The following SPMIP2 variants were observed in gnomAD, a reference collection of about 807,000 sequenced individuals.
SPMIP2 encodes the protein protein SPMIP2.
the SPMIP2 span, among the ~76,000 whole-genome samples, chr4:159,027,335 C>A: frequency 6.6e-6 from 1 of 152,090 alleles, no homozygotes; most frequent in African/African-American, 2.4e-5. Context: ...TCATTTCCAA[C>A]TATCTTAGCT....
At chr4:158,940,982 T>A in the SPMIP2 span, among the ~76,000 whole-genome samples, 2 of 152,142 alleles carry the variant, frequency 1.3e-5, no homozygotes, top group Non-Finnish European at 2.9e-5. Flanking sequence ...CTTCTCCAGA[T>A]CCAGAATCAG....
the SPMIP2 span, chr4:159,007,376 G>A: frequency 1.5e-6 from 1 of 680,200 alleles, no homozygotes; most frequent in Non-Finnish European, 2.7e-6. Flanking sequence ...GGAGATGAAA[G>A]AAGTCCCTAA....
At chr4:158,992,017 G>A in the SPMIP2 span, among the ~76,000 whole-genome samples, 3 of 152,224 alleles carry the variant, frequency 2.0e-5, no homozygotes, top group South Asian at 6.2e-4. Context: ...TCAGCCTCTC[G>A]AGTAGCTAGG....
the SPMIP2 span, chr4:158,893,812 AC>A: frequency 3.0e-4 from 234 of 787,596 alleles, 3 homozygotes; most frequent in Non-Finnish European, 2.7e-5. Flanking sequence ...ACGTCTTGTC[AC>A]AGTTGATATC....
the SPMIP2 span, among the ~76,000 whole-genome samples, chr4:158,940,586 C>A: frequency 7.7e-6 from 1 of 130,392 alleles, no homozygotes; most frequent in African/African-American, 2.8e-5. Flanking sequence ...AGCTGAATAA[C>A]CTTGATTCTT....
the SPMIP2 span, among the ~76,000 whole-genome samples, chr4:159,029,232 T>C: frequency 6.6e-6 from 1 of 152,262 alleles, no homozygotes; most frequent in Non-Finnish European, 1.5e-5. Flanking sequence ...CTTGCCCTAT[T>C]AGATTAAAAC....
chr4:159,076,067 T>C, the SPMIP2 span, among the ~76,000 whole-genome samples: 3 of 152,134 alleles, frequency 2.0e-5, no homozygotes, highest in Non-Finnish European at 4.4e-5. Context: ...TATAGGGTAC[T>C]GTGTACTATG....
chr4:158,978,654 C>T, the SPMIP2 span, among the ~76,000 whole-genome samples: 1 of 152,118 alleles, frequency 6.6e-6, no homozygotes, highest in African/African-American at 2.4e-5. Context: ...TGCATTGATC[C>T]CTTTACCACT....
At chr4:159,057,887 CAG>C in the SPMIP2 span, among the ~76,000 whole-genome samples, 1 of 152,144 alleles carries the variant, frequency 6.6e-6, no homozygotes, top group Non-Finnish European at 1.5e-5. Flanking sequence ...TTGTTTGAGA[CAG>C]GGGCTCACTC....
chr4:158,921,265 C>A, the SPMIP2 span, among the ~76,000 whole-genome samples: 3 of 152,164 alleles, frequency 2.0e-5, no homozygotes, highest in South Asian at 4.2e-4. Context: ...ATGGTGAAAC[C>A]CCGTCTCTAC....
At chr4:158,943,544 T>C in the SPMIP2 span, among the ~76,000 whole-genome samples, 1 of 152,168 alleles carries the variant, frequency 6.6e-6, no homozygotes, top group African/African-American at 2.4e-5. Flanking sequence ...ATTAAAACAG[T>C]AAAATTTGTT....
the SPMIP2 span, among the ~76,000 whole-genome samples, chr4:159,054,627 C>T: frequency 4.6e-5 from 7 of 152,302 alleles, no homozygotes; most frequent in Middle Eastern, 6.8e-3. Flanking sequence ...AAGCCATTGT[C>T]TTTAACATTC....
chr4:159,058,380 G>T, the SPMIP2 span, among the ~76,000 whole-genome samples: 1 of 151,918 alleles, frequency 6.6e-6, no homozygotes, highest in Admixed American at 6.6e-5. Flanking sequence ...AATAGTTTTT[G>T]GTTATATATT....
chr4:159,038,342 C>G, the SPMIP2 span, among the ~76,000 whole-genome samples: 1 of 152,102 alleles, frequency 6.6e-6, no homozygotes, highest in Non-Finnish European at 1.5e-5. Context: ...TTCAATATGA[C>G]AGGTAAGAAA....
the SPMIP2 span, among the ~76,000 whole-genome samples, chr4:159,029,049 C>T: frequency 2.0e-5 from 3 of 152,114 alleles, no homozygotes; most frequent in Non-Finnish European, 4.4e-5. Context: ...GAGCTGAGAT[C>T]GTGCCACTGC....
At chr4:158,927,435 A>G in the SPMIP2 span, among the ~76,000 whole-genome samples, 1 of 152,084 alleles carries the variant, frequency 6.6e-6, no homozygotes, top group East Asian at 1.9e-4. Flanking sequence ...TTTTTTGGCC[A>G]ATCTCTTACT....
At chr4:158,942,993 T>C in the SPMIP2 span, among the ~76,000 whole-genome samples, 25 of 152,326 alleles carry the variant, frequency 1.6e-4, no homozygotes, top group Admixed American at 3.9e-4. Flanking sequence ...TAAAAAACAT[T>C]AGTGATGCTG....
At chr4:159,072,286 C>T in the SPMIP2 span, among the ~76,000 whole-genome samples, 2 of 152,006 alleles carry the variant, frequency 1.3e-5, no homozygotes, top group Admixed American at 1.3e-4. Flanking sequence ...TCACTCCAGC[C>T]TGAGTGATAA....
chr4:158,945,607 T>C, the SPMIP2 span, among the ~76,000 whole-genome samples: 3 of 152,322 alleles, frequency 2.0e-5, no homozygotes, highest in Admixed American at 2.0e-4. Flanking sequence ...CTTGATGGTT[T>C]ATAGTCATCA....
Sources: allele counts gnomAD v4.1 joint callset (sites outside exome capture counted in the v4.1 genomes callset), GRCh38; gene constraint gnomAD v4.1.1; transcripts MANE v1.5; gene names NCBI Gene and HGNC (gene_info 2026-07-23, HGNC 2026-07-21).